ACKR2: variants seen among roughly 807,000 people sequenced by gnomAD.
ACKR2 encodes the protein atypical chemokine receptor 2.
For synonymous variants in ACKR2, 207 were observed against 192.2 expected, an observed-to-expected ratio of 1.08 and a Z score of -0.64; for missense variants, 457 against 477.3, an observed-to-expected ratio of 0.96 and a Z score of 0.40.
rs534585481 is a variant in ACKR2 at position 42,853,586 on chromosome 3, T to A, written c.-37-10880T>A. On this transcript the variant is annotated intron_variant, in intron 2 of 2. Coordinates refer to ENST00000422265, the MANE Select transcript of ACKR2 (RefSeq NM_001296.5). Reference sequence around the variant, plus strand: ...GGCTGTGCTTACTATTTTCTTTGAGTGGTATTGTAACCTAGCATTTAAGAG... The same window carrying A: ...GGCTGTGCTTACTATTTTCTTTGAGAGGTATTGTAACCTAGCATTTAAGAG... Among the ~76,000 whole-genome samples the A allele has an allele frequency of 3.3e-5, 5 of 152,234 alleles. No homozygotes were observed. In the East Asian group the frequency reaches 9.7e-4, roughly 29 times the overall value.
At chr3:42,851,565 G>A (rs568439752) in intron 2 of ACKR2, 1 of 352,308 alleles carries the variant, frequency 2.8e-6, no homozygotes, top group East Asian at 1.7e-4. Context: ...TGGGAAGAGG[G>A]AGGTGCTAAG....
chr3:42,814,956 A>G (rs936008837), intron 1 of ACKR2, among the ~76,000 whole-genome samples: 1 of 152,192 alleles, frequency 6.6e-6, no homozygotes, highest in Non-Finnish European at 1.5e-5. Flanking sequence ...AGAGGGCAGA[A>G]GAATAGAGGC....
intron 2 of ACKR2, among the ~76,000 whole-genome samples, chr3:42,860,159 GAAAGCAAAAAAAAAAAA>G (rs1559693569): frequency 0.018 from 11 of 624 alleles, no homozygotes; most frequent in African/African-American, 0.033. Context: ...CAAGCAAATG[GAAAGCAAAAAAAAAAAA>G]AAAAAAAAAA....
At chr3:42,842,063 T>C (rs1298476411) in intron 2 of ACKR2, among the ~76,000 whole-genome samples, 1 of 152,158 alleles carries the variant, frequency 6.6e-6, no homozygotes, top group East Asian at 1.9e-4. Flanking sequence ...GGTGTGAAGA[T>C]TAGATGAGTT....
At chr3:42,823,814 A>G (rs776154939) in intron 2 of ACKR2, among the ~76,000 whole-genome samples, 13 of 152,188 alleles carry the variant, frequency 8.5e-5, no homozygotes, top group Non-Finnish European at 1.9e-4. Context: ...CAAGCAATCA[A>G]ATAAAGGTAA....
In ACKR2 at chr3:42,864,637, CA is replaced by C; in HGVS notation, c.138del (p.Val47SerfsTer9). ...GGAAGGATGCAGTGGTGTCCTTTGGCAAAGTCTTCCTCCCAGTCTTCTATAG... is the reference window on the plus strand; with the variant it reads ...GGAAGGATGCAGTGGTGTCCTTTGGCAAGTCTTCCTCCCAGTCTTCTATAG... ...CRKDAVVSFG[K>X]VFLPVFYSLI... is the part of the protein sequence containing the mutation. On this transcript the variant is annotated frameshift_variant, in exon 3 of 3. Transcript: ENST00000422265. LOFTEE classifies it low-confidence loss of function (END_TRUNC). 6.2e-7 allele frequency: 1 copy of C among 1,614,232 alleles called. No homozygotes were observed. Among genetic ancestry groups the C allele is most frequent in the Admixed American group, 1.7e-5 (1 of 60,030 alleles).
In ACKR2 at chr3:42,865,292, T is replaced by C; in HGVS notation, c.790T>C (p.Phe264Leu). 6.2e-7 allele frequency: 1 copy of C among 1,614,160 alleles called. No individual in the cohort carries two copies. Among genetic ancestry groups the C allele is most frequent in the Non-Finnish European group, 8.5e-7 (1 of 1,180,016 alleles). Residue 264 changes from phenylalanine to leucine, a missense_variant, in exon 3 of 3, where the codon TTC (phenylalanine) becomes CTC (leucine). By Grantham distance (22) the Phe-to-Leu change is conservative. Coordinates refer to ENST00000422265, the MANE Select transcript of ACKR2 (RefSeq NM_001296.5). ...GGTGGTGGCCTTCTTCGTGCTATGGTTCCCATACAATCTCACCTTGTTTCT... is the reference window on the plus strand; with the variant it reads ...GGTGGTGGCCTTCTTCGTGCTATGGCTCCCATACAATCTCACCTTGTTTCT... The part of the protein sequence containing the change: ...ALVVAFFVLW[F>L]PYNLTLFLHT...
intron 2 of ACKR2, among the ~76,000 whole-genome samples, chr3:42,832,444 G>A (rs1376545411): frequency 6.6e-6 from 1 of 151,858 alleles, no homozygotes; most frequent in Non-Finnish European, 1.5e-5. Context: ...AGCTGAGATT[G>A]CGCCACTGCA....
intron 2 of ACKR2, among the ~76,000 whole-genome samples, chr3:42,848,201 TA>T (rs34144822): frequency 0.16 from 20,374 of 124,758 alleles, 2,997 homozygotes; most frequent in Non-Finnish European, 0.24. Context: ...CTAACTCTTT[TA>T]AAAAAAAAAA....
At chr3:42,861,181 A>G (rs2088381082) in intron 2 of ACKR2, among the ~76,000 whole-genome samples, 1 of 152,222 alleles carries the variant, frequency 6.6e-6, no homozygotes, top group East Asian at 1.9e-4. Context: ...TAAAGAGGAT[A>G]TCACCATTGA....
chr3:42,860,650 A>G (rs1435683680), intron 2 of ACKR2, among the ~76,000 whole-genome samples: 3 of 152,264 alleles, frequency 2.0e-5, no homozygotes, highest in Admixed American at 2.0e-4. Context: ...AATGGAAATC[A>G]TAACAAACAG....
At chr3:42,813,414 A>G (rs1456887462) in intron 1 of ACKR2, among the ~76,000 whole-genome samples, 1 of 152,198 alleles carries the variant, frequency 6.6e-6, no homozygotes, top group African/African-American at 2.4e-5. Context: ...CAGTTCTGCA[A>G]GTTGTATAGG....
At chr3:42,850,873 A>G (rs1336151576) in intron 2 of ACKR2, 2 of 152,416 alleles carry the variant, frequency 1.3e-5, no homozygotes, top group Admixed American at 6.5e-5. Flanking sequence ...TGATTTGGAA[A>G]GTCTGGGAGA....
intron 2 of ACKR2, among the ~76,000 whole-genome samples, chr3:42,824,483 G>C (rs531259749): frequency 1.3e-4 from 20 of 152,232 alleles, no homozygotes; most frequent in Admixed American, 1.0e-3. Flanking sequence ...CCAAACATGA[G>C]TGACACACAT....
rs1254488589 is a variant in ACKR2 at position 42,864,463 on chromosome 3, C to T, written c.-37-3C>T. On this transcript the variant is annotated splice_polypyrimidine_tract_variant and splice_region_variant and intron_variant, in intron 2 of 2. Coordinates refer to ENST00000422265, the MANE Select transcript of ACKR2 (RefSeq NM_001296.5). Reference sequence around the variant, plus strand: ...TAGGTCTCACCATATTTTCCCCCCGCAGCACTACAGGACGTCGGGACTGGG... The same window carrying T: ...TAGGTCTCACCATATTTTCCCCCCGTAGCACTACAGGACGTCGGGACTGGG... 1 of 1,545,938 alleles carries T rather than the reference C, an allele frequency of 6.5e-7. No homozygotes were observed. Among genetic ancestry groups the T allele is most frequent in the South Asian group, 1.3e-5 (1 of 79,098 alleles).
At chr3:42,841,385 G>A (rs1701036624) in intron 2 of ACKR2, among the ~76,000 whole-genome samples, 1 of 152,204 alleles carries the variant, frequency 6.6e-6, no homozygotes. Context: ...TTCCATTAGA[G>A]GTTAGTGAAA....
intron 2 of ACKR2, among the ~76,000 whole-genome samples, chr3:42,823,039 A>G (rs1248618923): frequency 6.6e-6 from 1 of 152,006 alleles, no homozygotes; most frequent in African/African-American, 2.4e-5. Context: ...TTTTTGCATG[A>G]TGCTGTCCCC....
intron 2 of ACKR2, among the ~76,000 whole-genome samples, chr3:42,850,254 C>T (rs1044807805): frequency 7.9e-5 from 12 of 152,150 alleles, no homozygotes; most frequent in Non-Finnish European, 1.6e-4. Context: ...TCTTAATGTC[C>T]ATTCTTGGTA....
chr3:42,844,715 A>C (rs1036834479), intron 2 of ACKR2, among the ~76,000 whole-genome samples: 2 of 152,164 alleles, frequency 1.3e-5, no homozygotes, highest in African/African-American at 4.8e-5. Flanking sequence ...AGATGAGAAA[A>C]TATGATTGTA....
Sources: allele counts gnomAD v4.1 joint callset (sites outside exome capture counted in the v4.1 genomes callset), GRCh38; gene constraint gnomAD v4.1.1; transcripts MANE v1.5; gene names NCBI Gene and HGNC (gene_info 2026-07-23, HGNC 2026-07-21).